EFHD2: variants seen among roughly 807,000 people sequenced by gnomAD.
EFHD2 encodes EF-hand domain family member D2.
In EFHD2, 12 loss-of-function variants were observed where a neutral mutation model predicts 20.3. The observed-to-expected ratio is 0.59, with a 90% CI of 0.38 to 0.96. EFHD2 has a LOEUF of 0.96. Among genes scored for constraint, EFHD2 ranks in the 40% least tolerant of loss-of-function variants. The pLI is 0.00. For synonymous variants in EFHD2, 131 were observed against 143.9 expected (o/e 0.91, Z 0.64); for missense variants, 250 against 334.3 (o/e 0.75, Z 1.97).
chr1:15,424,242 C>G (rs894377166), intron 1 of EFHD2, among the ~76,000 whole-genome samples: 1 of 152,054 alleles, frequency 6.6e-6, no homozygotes, highest in Non-Finnish European at 1.5e-5. Flanking sequence ...CCCCAGCCCC[C>G]ATCTTGTCTT....
rs368361187 is a variant in EFHD2 at position 15,419,463 on chromosome 1, C to T, written c.309-6408C>T. 2.2e-4 allele frequency among the ~76,000 whole-genome samples: 34 copies of T among 152,348 alleles called. 1 individual carries two copies. In the East Asian group the frequency reaches 6.2e-3, roughly 28 times the overall value. ...CCAAACAGGCACCAAGCTGGGCTCT[C>T]AGTCCAGCCTCCACTGGCCCTGCAA... On this transcript the variant is annotated intron_variant, in intron 1 of 3. Coordinates refer to ENST00000375980, the MANE Select transcript of EFHD2 (RefSeq NM_024329.6).
At chr1:15,419,732 T>C (rs1411657604) in intron 1 of EFHD2, among the ~76,000 whole-genome samples, 1 of 152,148 alleles carries the variant, frequency 6.6e-6, no homozygotes, top group Non-Finnish European at 1.5e-5. Flanking sequence ...CAGTTCCAGC[T>C]CAGGGAGAAG....
intron 1 of EFHD2, among the ~76,000 whole-genome samples, chr1:15,411,082 G>C (rs1044022078): frequency 6.6e-6 from 1 of 151,838 alleles, no homozygotes; most frequent in African/African-American, 2.4e-5. Flanking sequence ...AGTCCCCTCC[G>C]GGTTTGGAAG....
intron 1 of EFHD2, among the ~76,000 whole-genome samples, chr1:15,420,686 A>C (rs1345206751): frequency 6.6e-6 from 1 of 152,104 alleles, no homozygotes; most frequent in Non-Finnish European, 1.5e-5. Flanking sequence ...TGCCTGGCTA[A>C]TTTCTACACT....
At chr1:15,418,847 A>G (rs887015272) in intron 1 of EFHD2, among the ~76,000 whole-genome samples, 1 of 138,028 alleles carries the variant, frequency 7.2e-6, no homozygotes, top group Non-Finnish European at 1.6e-5. Flanking sequence ...GGCCTGGTTC[A>G]GAGCCCAGCG....
intron 1 of EFHD2, 22 bp downstream of exon 1, chr1:15,410,301 C>T (rs747340653): frequency 3.2e-6 from 5 of 1,563,528 alleles, no homozygotes; most frequent in Non-Finnish European, 3.5e-6. Flanking sequence ...CGCGACCCGG[C>T]CCCCCGCCCG....
At position 15,428,899 on chromosome 1, in the gene EFHD2, G is replaced by T. The variant is rs1462459858; in HGVS notation, c.*175G>T. ...TATGGAGGTGGCCCGGCCCCTCCCC[G>T]CTCCCTTCCACTCTGCACGAGGCCG... On this transcript the variant is annotated 3_prime_UTR_variant, in exon 4 of 4. Coordinates refer to ENST00000375980, the MANE Select transcript of EFHD2 (RefSeq NM_024329.6). 2 of 960,664 alleles carry T rather than the reference G, an allele frequency of 2.1e-6. No individual in the cohort carries two copies. Among genetic ancestry groups the T allele is most frequent in the Non-Finnish European group, 3.0e-6 (2 of 657,996 alleles). 59.5% of individuals were successfully genotyped at this position (960,664 alleles called of 1,614,324 possible).
intron 1 of EFHD2, among the ~76,000 whole-genome samples, chr1:15,410,649 A>G (rs913825545): frequency 1.3e-5 from 2 of 148,162 alleles, no homozygotes; most frequent in Admixed American, 6.7e-5. Context: ...CCGCGCTGTT[A>G]GTGGGGCTTC....
rs781250860 is a variant in EFHD2, at chr1:15,429,156, C to A, written c.*432C>A. 1.0e-5 allele frequency: 2 copies of A among 193,646 alleles called. No homozygotes were observed. Among genetic ancestry groups the A allele is most frequent in the Non-Finnish European group, 2.2e-5 (2 of 93,010 alleles). The allele number at this position is 193,646 out of a possible 1,614,324, so 12.0% of individuals were successfully genotyped here. ...CCGCACCGCCCCTGGGGCCCCCTGC[C>A]AGCCCCTTCCCAGGCTGGGAGACGG... On this transcript the variant is annotated 3_prime_UTR_variant, in exon 4 of 4. Coordinates refer to ENST00000375980, the MANE Select transcript of EFHD2 (RefSeq NM_024329.6).
At chr1:15,419,562 T>A (rs557137649) in intron 1 of EFHD2, among the ~76,000 whole-genome samples, 21 of 152,334 alleles carry the variant, frequency 1.4e-4, no homozygotes, top group African/African-American at 5.1e-4. Context: ...TTCCAGCTGT[T>A]GGAATCCTGC....
At chr1:15,419,446 G>T (rs767035165) in intron 1 of EFHD2, among the ~76,000 whole-genome samples, 3 of 152,236 alleles carry the variant, frequency 2.0e-5, no homozygotes, top group Non-Finnish European at 4.4e-5. Context: ...TCCCAAACAG[G>T]CACCAAGCTG....
intron 1 of EFHD2, among the ~76,000 whole-genome samples, chr1:15,415,325 C>G (rs1163560651): frequency 9.2e-5 from 14 of 152,098 alleles, no homozygotes; most frequent in Non-Finnish European, 5.9e-5. Context: ...ATGAATGACA[C>G]CATGCTGATG....
At chr1:15,423,415 G>A (rs1428721582) in intron 1 of EFHD2, among the ~76,000 whole-genome samples, 2 of 152,044 alleles carry the variant, frequency 1.3e-5, no homozygotes, top group Non-Finnish European at 2.9e-5. Flanking sequence ...TATACCCCTC[G>A]CACAAATGCT....
At chr1:15,428,446 A>G (rs1707909338) in intron 3 of EFHD2, 147 bp from the exon 4 acceptor site, 2 of 1,024,010 alleles carry the variant, frequency 2.0e-6, no homozygotes, top group African/African-American at 3.3e-5. Context: ...GCAGTGAGCC[A>G]AGATTGCGCC....
intron 1 of EFHD2, among the ~76,000 whole-genome samples, chr1:15,423,214 C>T (rs1490978943): frequency 6.6e-6 from 1 of 152,248 alleles, no homozygotes; most frequent in African/African-American, 2.4e-5. Context: ...GCCTGACCCT[C>T]TGAGTCCCAC....
At chr1:15,419,345 C>T (rs2103275143) in intron 1 of EFHD2, among the ~76,000 whole-genome samples, 1 of 152,354 alleles carries the variant, frequency 6.6e-6, no homozygotes, top group African/African-American at 2.4e-5. Flanking sequence ...GGCACGGTGC[C>T]AGGCCCCGCA....
chr1:15,420,880 C>T (rs986091353), intron 1 of EFHD2, among the ~76,000 whole-genome samples: 1 of 152,082 alleles, frequency 6.6e-6, no homozygotes, highest in Non-Finnish European at 1.5e-5. Context: ...AACTCCTGGG[C>T]TCAAGTGATC....
intron 1 of EFHD2, among the ~76,000 whole-genome samples, chr1:15,417,982 T>A (rs1287352511): frequency 1.6e-5 from 1 of 62,836 alleles, no homozygotes; most frequent in Non-Finnish European, 2.7e-5. Flanking sequence ...TTTCTTTTTC[T>A]TTTTTTTTTT....
rs1216732811 is a variant in EFHD2, at chr1:15,410,201, G to A, written c.230G>A (p.Arg77His). 3.1e-6 allele frequency: 5 copies of A among 1,604,728 alleles called. No individual in the cohort carries two copies. In the African/African-American group the frequency reaches 4.1e-5, roughly 13 times the overall value. Residue 77 changes from arginine to histidine, a missense_variant, in exon 1 of 4, where the codon CGC becomes CAC. By Grantham distance (29) the Arg-to-His change is conservative. Transcript: ENST00000375980. ...QGIGEPQSPS[R>H]RVFNPYTEFK... ...ATCGGCGAGCCCCAGTCGCCCAGCC[G>A]CCGCGTCTTCAACCCCTACACCGAG...
Sources: allele counts gnomAD v4.1 joint callset (sites outside exome capture counted in the v4.1 genomes callset), GRCh38; gene constraint gnomAD v4.1.1; transcripts MANE v1.5; gene names NCBI Gene and HGNC (gene_info 2026-07-23, HGNC 2026-07-21).